ABCC11: variants seen among roughly 807,000 people sequenced by gnomAD.
ABCC11 encodes the protein ATP binding cassette subfamily C member 11.
ABCC11 carries 135 observed loss-of-function variants against 149.3 expected under a neutral mutation model. The observed-to-expected ratio is 0.90, with a 90% CI of 0.79 to 1.04. The LOEUF is 1.04. ABCC11 is among the 50% of genes least tolerant of loss of function. The probability of loss-of-function intolerance (pLI) is 0.00; values close to 1 mark genes in which losing one functional copy is unlikely to be tolerated. For missense variants in ABCC11, 1,680 were observed against 1,722.1 expected, an observed-to-expected ratio of 0.98 and a Z score of 0.43; for synonymous variants, 665 against 671.4, an observed-to-expected ratio of 0.99 and a Z score of 0.15.
Position 48,205,710 on chromosome 16 carries a change from C to T in ABCC11, c.1681-173G>A, listed in dbSNP as rs534803590. Among the ~76,000 whole-genome samples, 13 of 152,318 alleles carry T rather than the reference C, an allele frequency of 8.5e-5. No homozygotes were observed. The South Asian group carries it at 1.9e-3, about 22-fold the overall frequency. ...AGGCCCACCAGCGAGTTCCAGGGACCGGCCATGAGAACATGTGGAAGCAGC... is the reference window on the plus strand; with the variant it reads ...AGGCCCACCAGCGAGTTCCAGGGACTGGCCATGAGAACATGTGGAAGCAGC... On this transcript the variant is annotated intron_variant, in intron 12 of 29. Coordinates refer to ENST00000356608, the MANE Select transcript of ABCC11 (RefSeq NM_001370497.1).
intron 18 of ABCC11, 96 bp downstream of exon 18, chr16:48,196,134 CCT>C: frequency 1.6e-6 from 2 of 1,239,494 alleles, no homozygotes; most frequent in Non-Finnish European, 2.3e-6. Flanking sequence ...CTCCTCTGGA[CCT>C]CTCTACTTCA....
At position 48,216,202 on chromosome 16, in the gene ABCC11, A is replaced by G. The variant is rs1175675863; in HGVS notation, c.863T>C (p.Leu288Pro). Residue 288 changes from leucine to proline, a missense_variant, in exon 7 of 30, where the codon CTG (leucine) becomes CCG (proline). Leu to Pro is a moderately conservative substitution (Grantham distance 98, BLOSUM62 -3). Coordinates refer to ENST00000356608, the MANE Select transcript of ABCC11 (RefSeq NM_001370497.1). ...GTAGGAAGAAATGCTGCAGATGACC[A>G]GCGATGCGCAGGTGATCAGTACTAG... The part of the protein sequence containing the change: ...GPLVLITCAS[L>P]VICSISSYFI... The G allele has an allele frequency of 6.2e-7, 1 of 1,613,790 alleles. No homozygotes were observed. Among genetic ancestry groups the G allele is most frequent in the Non-Finnish European group, 8.5e-7 (1 of 1,179,764 alleles).
rs148913127 is a variant in ABCC11, at chr16:48,165,919, T to G, written c.*1355A>C. 6.6e-6 allele frequency: 1 copy of G among 152,372 alleles called. No individual in the cohort carries two copies. Among genetic ancestry groups the G allele is most frequent in the East Asian group, 1.9e-4 (1 of 5,190 alleles). 9.4% of individuals were successfully genotyped at this position (152,372 alleles called of 1,614,324 possible). A position where few individuals can be genotyped will look rare whatever the true frequency, so the allele number is the denominator to read the frequency against. ...TGAAAATGATTGCCTTTTCTATTTG[T>G]CTGTAACCACATGTGGAGGGTGGGG... On this transcript the variant is annotated 3_prime_UTR_variant, in exon 30 of 30. Coordinates refer to ENST00000356608, the MANE Select transcript of ABCC11 (RefSeq NM_001370497.1).
intron 1 of ABCC11, among the ~76,000 whole-genome samples, chr16:48,235,463 A>T (rs560075634): frequency 6.6e-6 from 1 of 152,306 alleles, no homozygotes; most frequent in Non-Finnish European, 1.5e-5. Context: ...AACCCAACGA[A>T]AATTAAGAAA....
intron 1 of ABCC11, among the ~76,000 whole-genome samples, chr16:48,240,326 A>G (rs1970902988): frequency 6.6e-6 from 1 of 152,236 alleles, no homozygotes; most frequent in Admixed American, 6.5e-5. Context: ...CATGCACACC[A>G]TGGAATACTA....
In ABCC11 at chr16:48,231,853, T is replaced by C; in HGVS notation, c.69A>G (p.Ile23Met). The change falls in exon 2 of 30, where the codon ATA becomes ATG. Residue 23 changes from isoleucine (I) to methionine (M), a missense_variant. Coordinates refer to ENST00000356608, the MANE Select transcript of ABCC11 (RefSeq NM_001370497.1). ...TAAGTCCTGAAACCATGTCATCGCC[T>C]ATGTCGATGCCACGATTCACGAGGC... ...SGGLVNRGID[I>M]GDDMVSGLIY... 6.2e-7 allele frequency: 1 copy of C among 1,614,140 alleles called. No homozygotes were observed. Among genetic ancestry groups the C allele is most frequent in the Non-Finnish European group, 8.5e-7 (1 of 1,179,970 alleles).
At chr16:48,219,514 A>T (rs1969587195) in intron 6 of ABCC11, among the ~76,000 whole-genome samples, 1 of 152,138 alleles carries the variant, frequency 6.6e-6, no homozygotes, top group African/African-American at 2.4e-5. Context: ...CAAGTTGCTA[A>T]TGGTGCTAAT....
chr16:48,170,827 A>C, intron 27 of ABCC11, 62 bp downstream of exon 27: 2 of 1,464,282 alleles, frequency 1.4e-6, no homozygotes, highest in Non-Finnish European at 1.9e-6. Context: ...GGAGCCCCAA[A>C]GGGGCAGCCC....
intron 20 of ABCC11, among the ~76,000 whole-genome samples, chr16:48,190,243 A>G (rs1966862773): frequency 6.6e-6 from 1 of 152,160 alleles, no homozygotes; most frequent in Non-Finnish European, 1.5e-5. Context: ...CCCTACCTGC[A>G]CTGTGCATTC....
At chr16:48,182,495 T>TG (rs1465023160) in intron 23 of ABCC11, among the ~76,000 whole-genome samples, 1 of 152,092 alleles carries the variant, frequency 6.6e-6, no homozygotes, top group African/African-American at 2.4e-5. Context: ...ACATGTAGTT[T>TG]GGGGCGGGGC....
chr16:48,165,893 T>G lies in ABCC11; in HGVS notation c.*1381A>C, dbSNP rs138134888. Reference sequence around the variant, plus strand: ...ACAACAAGGTCTCCCCAGAAGTAAGTTGAAAATGATTGCCTTTTCTATTTG... The same window carrying G: ...ACAACAAGGTCTCCCCAGAAGTAAGGTGAAAATGATTGCCTTTTCTATTTG... On this transcript the variant is annotated 3_prime_UTR_variant, in exon 30 of 30. Coordinates refer to ENST00000356608, the MANE Select transcript of ABCC11 (RefSeq NM_001370497.1). 3 of 152,258 alleles carry G rather than the reference T, an allele frequency of 2.0e-5. No homozygotes were observed. Among genetic ancestry groups the G allele is most frequent in the Non-Finnish European group, 4.4e-5 (3 of 68,046 alleles). 9.4% of individuals were successfully genotyped at this position (152,258 alleles called of 1,614,324 possible). A position where few individuals can be genotyped will look rare whatever the true frequency, so the allele number is the denominator to read the frequency against.
chr16:48,198,346 A>C (rs975643609), intron 15 of ABCC11, 71 bp from the exon 16 acceptor site: 43 of 1,476,310 alleles, frequency 2.9e-5, no homozygotes, highest in Non-Finnish European at 3.9e-5. Flanking sequence ...ATTCACCAGG[A>C]AAATGTAAAT....
At chr16:48,219,607 A>T (rs73546403) in intron 6 of ABCC11, among the ~76,000 whole-genome samples, 31,249 of 152,222 alleles carry the variant, frequency 0.21, 3,839 homozygotes, top group African/African-American at 0.34. Context: ...TATTCAGATA[A>T]TTTTAAAAAA....
At chr16:48,207,368 T>C (rs558942002) in intron 12 of ABCC11, among the ~76,000 whole-genome samples, 1 of 152,076 alleles carries the variant, frequency 6.6e-6, no homozygotes, top group African/African-American at 2.4e-5. Flanking sequence ...TGGGGTTTTT[T>C]TGAAACTGGA....
chr16:48,175,566 G>A lies in ABCC11; in HGVS notation c.3539-149C>T, dbSNP rs115907652. 4,145 of 952,332 alleles carry A rather than the reference G, an allele frequency of 4.4e-3. 143 individuals carry two copies. The African/African-American group carries it at 0.063, about 14-fold the overall frequency. 59.0% of individuals were successfully genotyped at this position (952,332 alleles called of 1,614,324 possible). A position where few individuals can be genotyped will look rare whatever the true frequency, so the allele number is the denominator to read the frequency against. ...CCTGAAGGGGTAGGAGAGGGCTGGCGTCCCTGCTCCAGGTGATACCTAATG... is the reference window on the plus strand; with the variant it reads ...CCTGAAGGGGTAGGAGAGGGCTGGCATCCCTGCTCCAGGTGATACCTAATG... On this transcript the variant is annotated intron_variant, in intron 25 of 29. Coordinates refer to ENST00000356608, the MANE Select transcript of ABCC11 (RefSeq NM_001370497.1).
At chr16:48,244,303 T>C in intron 1 of ABCC11, 1 of 991,054 alleles carries the variant, frequency 1.0e-6, no homozygotes, top group South Asian at 1.8e-5. Flanking sequence ...TGGAGGCGGG[T>C]CTGAGGTTTG....
Position 48,201,474 on chromosome 16 carries a change from CTTTTTTT to C in ABCC11, c.1879-1002_1879-996del, listed in dbSNP as rs560323114. 9.7e-5 allele frequency among the ~76,000 whole-genome samples: 12 copies of C among 123,444 alleles called. No homozygotes were observed. In the South Asian group the frequency reaches 1.0e-3, roughly 11 times the overall value. The allele number at this position is 123,444 out of a possible 152,430, so 81.0% of individuals were successfully genotyped here. On this transcript the variant is annotated intron_variant, in intron 14 of 29. Transcript: ENST00000356608. ...TTTTTAAACCTTTTTTTTTCTTTTTCTTTTTTTTTTTTTTTTTTGTAGAGATGAGGTC... is the reference window on the plus strand; with the variant it reads ...TTTTTAAACCTTTTTTTTTCTTTTTCTTTTTTTTTTTGTAGAGATGAGGTC...
intron 4 of ABCC11, among the ~76,000 whole-genome samples, chr16:48,227,155 C>A (rs2150908202): frequency 6.6e-6 from 1 of 152,144 alleles, no homozygotes; most frequent in Admixed American, 6.5e-5. Context: ...AAGAGAAAAT[C>A]AAAAGGGACT....
chr16:48,246,137 A>G (rs1296463336), intron 1 of ABCC11, among the ~76,000 whole-genome samples: 1 of 152,126 alleles, frequency 6.6e-6, no homozygotes, highest in Non-Finnish European at 1.5e-5. Context: ...AGAAAGCAAA[A>G]CAAAGCAACA....
Sources: gnomAD v4.1 joint callset for allele counts (sites outside exome capture counted in the v4.1 genomes callset) on GRCh38, gnomAD v4.1.1 for gene constraint, MANE v1.5 for transcripts, NCBI Gene and HGNC (gene_info 2026-07-23, HGNC 2026-07-21) for gene names.